Variants in LPAR1 observed in about 807,000 individuals in gnomAD.
The protein encoded by LPAR1 is lysophosphatidic acid receptor 1.
In LPAR1, 5 loss-of-function variants were observed where a neutral mutation model predicts 23.8. The observed-to-expected ratio is 0.21, with a 90% CI of 0.11 to 0.44. LPAR1 has a LOEUF of 0.44. LPAR1 is among the 20% of genes least tolerant of loss of function. The pLI is 0.99. For synonymous variants in LPAR1, 160 were observed against 164.7 expected (o/e 0.97, Z 0.22); for missense variants, 311 against 482.8 (o/e 0.64, Z 3.33).
intron 4 of LPAR1, among the ~76,000 whole-genome samples, chr9:110,956,304 G>A (rs2095747209): frequency 6.6e-6 from 1 of 151,964 alleles, no homozygotes; most frequent in Non-Finnish European, 1.5e-5. Context: ...GGGTTGATGG[G>A]TGCAGCAAAC....
At chr9:110,916,670 G>T (rs1437621111) in intron 5 of LPAR1, among the ~76,000 whole-genome samples, 9 of 151,952 alleles carry the variant, frequency 5.9e-5, no homozygotes. Context: ...AGCTGAGGTG[G>T]AACAGCCTCC....
Position 111,017,312 on chromosome 9 carries a change from T to C in LPAR1, c.-182+18810A>G, listed in dbSNP as rs564152654. On this transcript the variant is annotated intron_variant, in intron 2 of 5. Coordinates refer to ENST00000683809, the MANE Select transcript of LPAR1 (RefSeq NM_001351411.2). ...ACAGACATGCAACTAACTTATAACA[T>C]TGCATTTATCACATGGTACCTTCAT... Among the ~76,000 whole-genome samples, 15 of 152,320 alleles carry C rather than the reference T, an allele frequency of 9.8e-5. 1 individual carries two copies. The South Asian group carries it at 2.9e-3, about 29-fold the overall frequency.
intron 2 of LPAR1, among the ~76,000 whole-genome samples, chr9:111,030,045 C>CAAAA (rs56962960): frequency 2.7e-5 from 2 of 75,228 alleles, no homozygotes; most frequent in African/African-American, 1.0e-4. Context: ...GGCTCTGCCT[C>CAAAA]AAAAAAAAAA....
chr9:110,952,828 G>A (rs2095612232), intron 4 of LPAR1, among the ~76,000 whole-genome samples: 1 of 152,084 alleles, frequency 6.6e-6, no homozygotes, highest in Non-Finnish European at 1.5e-5. Context: ...GGGAGCCTGA[G>A]GACACGTCCA....
Position 110,988,872 on chromosome 9 carries a change from G to A in LPAR1, c.-181-15314C>T, listed in dbSNP as rs559976172. 1.1e-4 allele frequency among the ~76,000 whole-genome samples: 16 copies of A among 152,152 alleles called. No individual in the cohort carries two copies. The East Asian group carries it at 3.1e-3, about 29-fold the overall frequency. ...AGCATTACAGAATCATCAAAAAGTA[G>A]AAATAATCCAAATGTCTATCAACTG... On this transcript the variant is annotated intron_variant, in intron 2 of 5. Coordinates refer to ENST00000683809, the MANE Select transcript of LPAR1 (RefSeq NM_001351411.2).
chr9:111,001,424 C>A (rs2097126462), intron 2 of LPAR1, among the ~76,000 whole-genome samples: 1 of 151,972 alleles, frequency 6.6e-6, no homozygotes, highest in African/African-American at 2.4e-5. Flanking sequence ...TTGTTCCAGG[C>A]TAGACATTCA....
At chr9:110,973,760 G>A (rs2096487771) in intron 2 of LPAR1, among the ~76,000 whole-genome samples, 1 of 151,938 alleles carries the variant, frequency 6.6e-6, no homozygotes, top group Non-Finnish European at 1.5e-5. Context: ...ATTTAGTCCA[G>A]AAGAAAAAAA....
At chr9:111,030,943 C>T (rs2097783353) in intron 2 of LPAR1, among the ~76,000 whole-genome samples, 1 of 152,120 alleles carries the variant, frequency 6.6e-6, no homozygotes, top group Non-Finnish European at 1.5e-5. Context: ...TATGTATAAA[C>T]ATATCCACAC....
intron 2 of LPAR1, among the ~76,000 whole-genome samples, chr9:111,022,458 A>G (rs1189360167): frequency 6.6e-6 from 1 of 152,150 alleles, no homozygotes; most frequent in East Asian, 1.9e-4. Flanking sequence ...CAGTTTTAAA[A>G]GAGGGTGGGG....
chr9:110,921,249 A>G (rs1351021877), intron 5 of LPAR1, among the ~76,000 whole-genome samples: 1 of 152,176 alleles, frequency 6.6e-6, no homozygotes. Flanking sequence ...ACTCCAGTAT[A>G]GGTGACAGAG....
In LPAR1 at chr9:110,972,129, G is replaced by T. The variant is rs1312655362; in HGVS notation, c.-12C>A. 1.2e-6 allele frequency: 2 copies of T among 1,613,570 alleles called. No homozygotes were observed. The highest frequency in any genetic ancestry group is 2.2e-5 in the East Asian group (1 of 44,860). Reference sequence around the variant, plus strand: ...GAGATGGCAGCCATGACAGCTCTGTGGTTGTAGGTGGTGAACACGCCCCAG... The same window carrying T: ...GAGATGGCAGCCATGACAGCTCTGTTGTTGTAGGTGGTGAACACGCCCCAG... On this transcript the variant is annotated 5_prime_UTR_variant, in exon 4 of 6. Transcript: ENST00000683809.
intron 2 of LPAR1, among the ~76,000 whole-genome samples, chr9:111,007,103 A>T (rs1253088722): frequency 2.0e-5 from 3 of 151,930 alleles, no homozygotes; most frequent in African/African-American, 4.8e-5. Context: ...TTTTCACCAC[A>T]TGAGGTGCCT....
chr9:110,905,351 T>A (rs868688889), intron 5 of LPAR1, among the ~76,000 whole-genome samples: 32 of 148,396 alleles, frequency 2.2e-4, no homozygotes, highest in Non-Finnish European at 2.8e-4. Context: ...TTTTTATTAT[T>A]TTTTTTTTTT....
chr9:111,030,242 A>G (rs1462479719), intron 2 of LPAR1, among the ~76,000 whole-genome samples: 1 of 152,136 alleles, frequency 6.6e-6, no homozygotes, highest in Non-Finnish European at 1.5e-5. Context: ...CTAGTCAGAA[A>G]GTAAAGCAAG....
intron 2 of LPAR1, among the ~76,000 whole-genome samples, chr9:111,000,278 G>A (rs1230522993): frequency 6.6e-6 from 1 of 152,164 alleles, no homozygotes; most frequent in Non-Finnish European, 1.5e-5. Context: ...GAGAACAGTA[G>A]TCCAGTTCTA....
In LPAR1 at chr9:110,941,659, G is replaced by C; in HGVS notation, c.555C>G (p.Gly185=). 1 of 1,614,200 alleles carries C rather than the reference G, an allele frequency of 6.2e-7. No homozygotes were observed. The highest frequency in any genetic ancestry group is 8.5e-7 in the Non-Finnish European group (1 of 1,180,010). The part of the protein sequence containing the change: ...AIVMGAIPSV[G]WNCICDIENC... Reference sequence around the variant, plus strand: ...TTTCAATATCACAGATACAGTTCCAGCCCACACTGGGTATAGCACCCATAA... The same window carrying C: ...TTTCAATATCACAGATACAGTTCCACCCCACACTGGGTATAGCACCCATAA... Residue 185 remains glycine, a synonymous_variant, in exon 5 of 6, where the codon GGC becomes GGG. Coordinates refer to ENST00000683809, the MANE Select transcript of LPAR1 (RefSeq NM_001351411.2). This position sits in a 1 kb window ranked among gnomAD's most constrained non-coding sequence, Gnocchi z 6.1.
chr9:111,013,141 CAAG>C (rs2097367371), intron 2 of LPAR1, among the ~76,000 whole-genome samples: 1 of 152,044 alleles, frequency 6.6e-6, no homozygotes, highest in South Asian at 2.1e-4. Context: ...CCTCATAGAA[CAAG>C]AAGACACTCT....
At chr9:111,016,287 C>T (rs1384197377) in intron 2 of LPAR1, among the ~76,000 whole-genome samples, 1 of 152,182 alleles carries the variant, frequency 6.6e-6, no homozygotes, top group Non-Finnish European at 1.5e-5. Context: ...AGGGACCAAC[C>T]AGGTATCATA....
At chr9:111,003,732 C>T (rs1244534149) in intron 2 of LPAR1, among the ~76,000 whole-genome samples, 4 of 152,014 alleles carry the variant, frequency 2.6e-5, no homozygotes, top group South Asian at 2.1e-4. Context: ...CCCAAGGAGC[C>T]GGACCATGAA....
Sources: allele counts gnomAD v4.1 joint callset (sites outside exome capture counted in the v4.1 genomes callset), GRCh38; gene constraint gnomAD v4.1.1; non-coding constraint Gnocchi (gnomAD v3.1); transcripts MANE v1.5; gene names NCBI Gene and HGNC (gene_info 2026-07-23, HGNC 2026-07-21).